BAZ2A: variants seen among roughly 807,000 people sequenced by gnomAD.
BAZ2A encodes the protein bromodomain adjacent to zinc finger domain protein 2A.
In BAZ2A, 34 loss-of-function variants were observed where a neutral mutation model predicts 199.9. The observed-to-expected ratio is 0.17, with a 90% CI of 0.13 to 0.23. BAZ2A has a LOEUF of 0.23. Among genes scored for constraint, BAZ2A ranks in the 10% least tolerant of loss-of-function variants. The pLI is 1.00. For synonymous variants in BAZ2A, 857 were observed against 883.9 expected (o/e 0.97, Z 0.54); for missense variants, 2,002 against 2,391.1 (o/e 0.84, Z 3.39).
rs751726336 is a variant in BAZ2A, at chr12:56,599,947, C to A, written c.5025+17G>T. 5.0e-6 allele frequency: 8 copies of A among 1,613,586 alleles called. No individual in the cohort carries two copies. Among genetic ancestry groups the A allele is most frequent in the Non-Finnish European group, 6.8e-6 (8 of 1,179,638 alleles). ...TGGCTGGCCCCTCAGCCTCTCCAGG[C>A]TCTCTCAGCCTCTTACCACTTTGTT... On this transcript the variant is annotated intron_variant, in intron 25 of 28. Transcript: ENST00000549884.
At chr12:56,624,072 C>T (rs1343945675) in intron 1 of BAZ2A, among the ~76,000 whole-genome samples, 1 of 150,590 alleles carries the variant, frequency 6.6e-6, no homozygotes, top group Admixed American at 6.6e-5. Flanking sequence ...CAGTGAGACC[C>T]TATCTCTACA....
At chr12:56,610,644 G>T in intron 7 of BAZ2A, 127 bp from the exon 8 acceptor site, 1 of 773,568 alleles carries the variant, frequency 1.3e-6, no homozygotes, top group Non-Finnish European at 2.1e-6. Flanking sequence ...GCATGCAGAT[G>T]CAAAAGCACC....
chr12:56,610,895 C>A (rs1472329718), intron 7 of BAZ2A, among the ~76,000 whole-genome samples: 1 of 152,062 alleles, frequency 6.6e-6, no homozygotes, highest in Non-Finnish European at 1.5e-5. Context: ...GGCAGGGAGG[C>A]AAGCAGAAAA....
Position 56,599,180 on chromosome 12 carries a change from T to C in BAZ2A, c.5351A>G (p.Lys1784Arg), listed in dbSNP as rs754510339. 6.8e-6 allele frequency: 11 copies of C among 1,613,246 alleles called. No individual in the cohort carries two copies. Among genetic ancestry groups the C allele is most frequent in the South Asian group, 5.5e-5 (5 of 90,884 alleles). The change falls in exon 27 of 29, where the codon AAG (lysine) becomes AGG (arginine). Residue 1784 changes from lysine to arginine, a missense_variant. Lys to Arg is a conservative substitution (Grantham distance 26, BLOSUM62 2). Around this residue, in one of 6 missense-constraint regions of BAZ2A, gnomAD observed 122 missense variants for 123.0 expected, o/e 0.99. Coordinates refer to ENST00000549884, the MANE Select transcript of BAZ2A (RefSeq NM_001300905.2). ...RYSEEGLSPS[K>R]RRRLSMRNHH... ...GTTCCGCATAGAGAGTCGCCGCCGCTTGGAGGGGGAGAGCCCTTCTTCCGA... is the reference window on the plus strand; with the variant it reads ...GTTCCGCATAGAGAGTCGCCGCCGCCTGGAGGGGGAGAGCCCTTCTTCCGA...
upstream of BAZ2A, among the ~76,000 whole-genome samples, chr12:56,633,240 G>A (rs1484565730): frequency 6.6e-6 from 1 of 152,102 alleles, no homozygotes; most frequent in Non-Finnish European, 1.5e-5. Context: ...GGCTAGGGCT[G>A]GGAGGAGGAA....
At position 56,600,715 on chromosome 12, in the gene BAZ2A, T is replaced by G; in HGVS notation, c.4568A>C (p.Glu1523Ala). ...LAVLQWVEELEQRVIMSDLQI... is the reference protein window; with the variant it reads ...LAVLQWVEELAQRVIMSDLQI... Reference sequence around the variant, plus strand: ...CAGATCAGACATGATAACCCGCTGCTCCAGCTCCTCTACCCATTGAAGCAC... The same window carrying G: ...CAGATCAGACATGATAACCCGCTGCGCCAGCTCCTCTACCCATTGAAGCAC... Residue 1523 changes from glutamate to alanine, a missense_variant, in exon 23 of 29, where the codon GAG becomes GCG. Glu to Ala is a moderately radical substitution (Grantham distance 107). Around this residue, in one of 6 missense-constraint regions of BAZ2A, gnomAD observed 1,081 missense variants for 1,274.7 expected, o/e 0.85. Coordinates refer to ENST00000549884, the MANE Select transcript of BAZ2A (RefSeq NM_001300905.2). 1 of 1,613,546 alleles carries G rather than the reference T, an allele frequency of 6.2e-7. No homozygotes were observed. The highest frequency in any genetic ancestry group is 2.2e-5 in the East Asian group (1 of 44,884).
chr12:56,624,215 A>G (rs1354743940), intron 1 of BAZ2A, among the ~76,000 whole-genome samples: 2 of 152,192 alleles, frequency 1.3e-5, no homozygotes, highest in Non-Finnish European at 2.9e-5. Context: ...ACTATATCAT[A>G]TACTGACTGA....
intron 1 of BAZ2A, among the ~76,000 whole-genome samples, chr12:56,619,301 T>C (rs1170918735): frequency 6.7e-6 from 1 of 148,640 alleles, no homozygotes; most frequent in Admixed American, 6.7e-5. Context: ...GCGGAGATCA[T>C]GCCATTGCAC....
At position 56,615,533 on chromosome 12, in the gene BAZ2A, C is replaced by T. The variant is rs1565826841; in HGVS notation, c.211G>A (p.Ala71Thr). 6.2e-7 allele frequency: 1 copy of T among 1,612,918 alleles called. No homozygotes were observed. The highest frequency in any genetic ancestry group is 1.3e-5 in the African/African-American group (1 of 74,852). Residue 71 changes from alanine to threonine, a missense_variant, in exon 3 of 29, where the codon GCT (alanine) becomes ACT (threonine). Coordinates refer to ENST00000549884, the MANE Select transcript of BAZ2A (RefSeq NM_001300905.2). ...TGTGAGGTGCTGGAGGAGTGGGGAGCAGAGTTCAAAATCCCTGAAGTAGTA... is the reference window on the plus strand; with the variant it reads ...TGTGAGGTGCTGGAGGAGTGGGGAGTAGAGTTCAAAATCCCTGAAGTAGTA... ...HTTTSGILNS[A>T]PHSSSTSHLH...
chr12:56,636,362 G>A (rs1951449348), exon 1 of BAZ2A: 1 of 1,410,872 alleles, frequency 7.1e-7, no homozygotes, highest in East Asian at 2.6e-5. Context: ...GTAGGGTGAT[G>A]TCCCTGTGTG....
Position 56,605,106 on chromosome 12 carries a change from TGCAGCCTTCA to T in BAZ2A, c.2705_2714del (p.Leu902HisfsTer14), listed in dbSNP as rs1254389262. On this transcript the variant is annotated frameshift_variant, in exon 14 of 29. Coordinates refer to ENST00000549884, the MANE Select transcript of BAZ2A (RefSeq NM_001300905.2). LOFTEE classifies it high-confidence loss of function. ...AGGAGGGAAAGCCAGGATCATGGAG[TGCAGCCTTCA>T]GCAGCCTGACCAGCAGGTCTTGCAC... 6.2e-7 allele frequency: 1 copy of T among 1,612,396 alleles called. No homozygotes were observed.
intron 1 of BAZ2A, among the ~76,000 whole-genome samples, chr12:56,629,571 A>G (rs1248981196): frequency 6.6e-6 from 1 of 152,172 alleles, no homozygotes; most frequent in Non-Finnish European, 1.5e-5. Flanking sequence ...CACCACCCTC[A>G]GCAAGGAAGG....
At position 56,600,312 on chromosome 12, in the gene BAZ2A, T is replaced by C. The variant is rs748590453; in HGVS notation, c.4781A>G (p.Asn1594Ser). 1 of 1,613,978 alleles carries C rather than the reference T, an allele frequency of 6.2e-7. No individual in the cohort carries two copies. The highest frequency in any genetic ancestry group is 1.1e-5 in the South Asian group (1 of 91,076). Residue 1594 changes from asparagine (N) to serine (S), a missense_variant, in exon 24 of 29, where the codon AAT becomes AGT. Coordinates refer to ENST00000549884, the MANE Select transcript of BAZ2A (RefSeq NM_001300905.2). ...CTCCCGCAGGTACCGCCGTTCTACATTCTGTTCCAGGGCAGCCAGCCGCAT... is the reference window on the plus strand; with the variant it reads ...CTCCCGCAGGTACCGCCGTTCTACACTCTGTTCCAGGGCAGCCAGCCGCAT... ...AVMRLAALEQ[N>S]VERRYLREPL...
chr12:56,600,648 C>A (rs1886368226), intron 23 of BAZ2A, 33 bp downstream of exon 23: 1 of 1,602,964 alleles, frequency 6.2e-7, no homozygotes, highest in Non-Finnish European at 8.5e-7. Context: ...TGCTTTTCCC[C>A]AACCTTCCTA....
rs1360723336 is a variant in BAZ2A at position 56,601,954 on chromosome 12, AGGCTGAAGCTGGGCCTGG to A, written c.3645_3662del (p.Gln1216_Pro1221del). On this transcript the variant is annotated inframe_deletion, in exon 20 of 29. Transcript: ENST00000549884. ...GGGCAGGAGCATGAAGCTGAGCCTC[AGGCTGAAGCTGGGCCTGG>A]GGCTGTTCTGAATCCTGACCCCTGA... 7 of 1,567,592 alleles carry A rather than the reference AGGCTGAAGCTGGGCCTGG, an allele frequency of 4.5e-6. No homozygotes were observed. The highest frequency in any genetic ancestry group is 6.1e-6 in the Non-Finnish European group (7 of 1,155,898).
chr12:56,605,154 G>A lies in BAZ2A; in HGVS notation c.2667C>T (p.Asp889=). 6.2e-7 allele frequency: 1 copy of A among 1,613,858 alleles called. No individual in the cohort carries two copies. The highest frequency in any genetic ancestry group is 8.5e-7 in the Non-Finnish European group (1 of 1,179,840). ...VLQEGLLCQG[D]SLGEVQDLLV... ...GCAGGTCTTGCACCTCACCCAAGCT[G>A]TCACCTTGACACAGGAGTCCCTCCT... The change falls in exon 14 of 29, where the codon GAC becomes GAT. Residue 889 remains aspartate, a synonymous_variant. Transcript: ENST00000549884.
At chr12:56,627,882 AAAAAG>A (rs1255501653) in intron 1 of BAZ2A, among the ~76,000 whole-genome samples, 2 of 151,030 alleles carry the variant, frequency 1.3e-5, no homozygotes, top group Non-Finnish European at 3.0e-5. Context: ...AGAAGAGAAA[AAAAAG>A]AAAAGAAGAG....
chr12:56,599,187 G>C lies in BAZ2A; in HGVS notation c.5344C>G (p.Pro1782Ala). Residue 1782 changes from proline to alanine, a missense_variant, in exon 27 of 29, where the codon CCC (proline) becomes GCC (alanine). By Grantham distance (27) the Pro-to-Ala change is conservative. Coordinates refer to ENST00000549884, the MANE Select transcript of BAZ2A (RefSeq NM_001300905.2). ...ATAGAGAGTCGCCGCCGCTTGGAGG[G>C]GGAGAGCCCTTCTTCCGAGTACCGA... ...GPRYSEEGLSPSKRRRLSMRN... is the reference protein window; with the variant it reads ...GPRYSEEGLSASKRRRLSMRN... 1 of 1,613,330 alleles carries C rather than the reference G, an allele frequency of 6.2e-7. No individual in the cohort carries two copies. The highest frequency in any genetic ancestry group is 8.5e-7 in the Non-Finnish European group (1 of 1,179,712).
chr12:56,610,141 A>G lies in BAZ2A; in HGVS notation c.1854T>C (p.Asp618=), dbSNP rs2136976713. 2.5e-6 allele frequency: 4 copies of G among 1,613,780 alleles called. No homozygotes were observed. Among genetic ancestry groups the G allele is most frequent in the Non-Finnish European group, 3.4e-6 (4 of 1,179,832 alleles). The change falls in exon 9 of 29, where the codon GAT becomes GAC. Residue 618 remains aspartate (D), a synonymous_variant. Coordinates refer to ENST00000549884, the MANE Select transcript of BAZ2A (RefSeq NM_001300905.2). ...FSFSPRMPVG[D]FFEERDTPEG... ...CTGGCGTGTCTCTTTCTTCAAAGAA[A>G]TCTCCAACAGGCATACGGGGACTGA...
Sources: gnomAD v4.1 joint callset for allele counts (sites outside exome capture counted in the v4.1 genomes callset) on GRCh38, gnomAD v4.1.1 for gene constraint, gnomAD v4.1.1 regional missense constraint, MANE v1.5 for transcripts, NCBI Gene and HGNC (gene_info 2026-07-23, HGNC 2026-07-21) for gene names.